Variants in LRIT3 observed in about 807,000 individuals in gnomAD.
LRIT3 encodes leucine-rich repeat, immunoglobulin-like domain and transmembrane domain-containing protein 3.
In LRIT3, 14 loss-of-function variants were observed where a neutral mutation model predicts 22.6. The observed-to-expected ratio is 0.62, with a 90% confidence interval of 0.41 to 0.97. The LOEUF (loss-of-function observed/expected upper bound fraction) is 0.97. Ranked by LOEUF, LRIT3 falls within the 50% of genes least tolerant of loss-of-function variation. The probability of loss-of-function intolerance (pLI) is 0.00; values close to 1 mark genes in which losing one functional copy is unlikely to be tolerated. For synonymous variants in LRIT3, 306 were observed against 304.5 expected (o/e 1.01, Z -0.05); for missense variants, 783 against 803.0 (o/e 0.98, Z 0.30).
At chr4:109,857,891 C>T (rs1184269149) in intron 2 of LRIT3, among the ~76,000 whole-genome samples, 1 of 152,170 alleles carries the variant, frequency 6.6e-6, no homozygotes, top group Non-Finnish European at 1.5e-5. Flanking sequence ...TGAATATAAT[C>T]AGCGATTCCT....
At chr4:109,862,323 T>G (rs1200244501) in intron 2 of LRIT3, among the ~76,000 whole-genome samples, 1 of 152,248 alleles carries the variant, frequency 6.6e-6, no homozygotes, top group Non-Finnish European at 1.5e-5. Flanking sequence ...TTGTAGTTGA[T>G]GTATTGCCTT....
intron 2 of LRIT3, among the ~76,000 whole-genome samples, chr4:109,856,447 A>G (rs1734404445): frequency 6.6e-6 from 1 of 152,182 alleles, no homozygotes; most frequent in Non-Finnish European, 1.5e-5. Context: ...CAAAGATTTT[A>G]CTCATTGAAT....
At chr4:109,861,338 G>GA (rs34877226) in intron 2 of LRIT3, among the ~76,000 whole-genome samples, 389 of 142,994 alleles carry the variant, frequency 2.7e-3, no homozygotes, top group Non-Finnish European at 4.0e-3. Flanking sequence ...ATCCTGGGTG[G>GA]AAAAAAAAAA....
At chr4:109,850,418 C>CCTTCCTTCTTTCTTT (rs1734202907) in intron 1 of LRIT3, among the ~76,000 whole-genome samples, 1 of 28,228 alleles carries the variant, frequency 3.5e-5, no homozygotes, top group Non-Finnish European at 6.5e-5. Context: ...TTCCTTCCTT[C>CCTTCCTTCTTTCTTT]CTTCCTTTCT....
intron 1 of LRIT3, among the ~76,000 whole-genome samples, chr4:109,851,110 C>T (rs765071511): frequency 6.2e-4 from 95 of 152,286 alleles, no homozygotes; most frequent in Middle Eastern, 3.4e-3. Context: ...GCTGGGTGAC[C>T]TTGGAAAGTT....
At chr4:109,859,780 G>A (rs369160228) in intron 2 of LRIT3, among the ~76,000 whole-genome samples, 17 of 152,272 alleles carry the variant, frequency 1.1e-4, no homozygotes, top group East Asian at 7.7e-4. Flanking sequence ...CCATTCATAG[G>A]CTCTCTGCAG....
chr4:109,864,974 C>T, intron 2 of LRIT3: 1 of 943,914 alleles, frequency 1.1e-6, no homozygotes, highest in Admixed American at 3.7e-5. Flanking sequence ...TCTTTAGCAC[C>T]TCAATCAATA....
intron 2 of LRIT3, among the ~76,000 whole-genome samples, chr4:109,854,906 TC>T (rs1181350715): frequency 5.3e-5 from 8 of 152,202 alleles, no homozygotes; most frequent in African/African-American, 1.9e-4. Flanking sequence ...AAGCGTTGCA[TC>T]CCAGGGATGA....
intron 2 of LRIT3, among the ~76,000 whole-genome samples, chr4:109,855,747 T>C (rs1734385926): frequency 6.6e-6 from 1 of 152,216 alleles, no homozygotes; most frequent in Non-Finnish European, 1.5e-5. Flanking sequence ...CTGTCTTTGT[T>C]CTCATTGGTT....
At position 109,870,194 on chromosome 4, in the gene LRIT3, A is replaced by C. The variant is rs75722024; in HGVS notation, c.1445A>C (p.Glu482Ala). The change falls in exon 4 of 4, where the codon GAG becomes GCG. Residue 482 changes from glutamate (E) to alanine (A), a missense_variant. This residue lies in a region of LRIT3 where 756 missense variants were observed against 753.8 expected (regional missense o/e 1.00). Coordinates refer to ENST00000594814, the MANE Select transcript of LRIT3 (RefSeq NM_198506.5). The part of the protein sequence containing the change: ...LALLDQTMLT[E>A]TNAAIENLRV... The stretch of plus-strand genomic sequence containing the variant: ...TTGTTGGATCAAACAATGCTTACGG[A>C]GACAAATGCCGCAATAGAAAACCTC... 5.5e-4 allele frequency: 884 copies of C among 1,614,242 alleles called. 8 individuals are homozygous for C. The East Asian group carries it at 0.014, about 25-fold the overall frequency.
rs907294955 is a variant in LRIT3 at position 109,866,322 on chromosome 4, G to A, written c.590-1319G>A. 9.9e-5 allele frequency among the ~76,000 whole-genome samples: 15 copies of A among 152,184 alleles called. 1 individual carries two copies. The South Asian group carries it at 1.2e-3, about 13-fold the overall frequency. Reference sequence around the variant, plus strand: ...CTTGGGCTTTATATGAGGCTGTTATGGAACATCACCCCTAAGATCCTAGAG... The same window carrying A: ...CTTGGGCTTTATATGAGGCTGTTATAGAACATCACCCCTAAGATCCTAGAG... On this transcript the variant is annotated intron_variant, in intron 2 of 3. Transcript: ENST00000594814.
chr4:109,865,316 C>T, intron 2 of LRIT3: 1 of 1,602,766 alleles, frequency 6.2e-7, no homozygotes, highest in Non-Finnish European at 8.5e-7. Flanking sequence ...ATTTCTCTTT[C>T]ATATATTTAA....
At chr4:109,850,433 T>G in intron 1 of LRIT3, among the ~76,000 whole-genome samples, 1 of 94,306 alleles carries the variant, frequency 1.1e-5, no homozygotes, top group African/African-American at 4.6e-5. Context: ...CTTTCTTTCT[T>G]TCTTTCTTTC....
intron 2 of LRIT3, among the ~76,000 whole-genome samples, chr4:109,864,187 G>A (rs1457331373): frequency 6.6e-6 from 1 of 152,028 alleles, no homozygotes; most frequent in Non-Finnish European, 1.5e-5. Context: ...CAATATAAAT[G>A]TTTTAGTATC....
rs2125901816 is a variant in LRIT3 at position 109,870,639 on chromosome 4, G to T, written c.1890G>T (p.Glu630Asp). 4.3e-6 allele frequency: 7 copies of T among 1,614,076 alleles called. No homozygotes were observed. Among genetic ancestry groups the T allele is most frequent in the Non-Finnish European group, 5.9e-6 (7 of 1,180,008 alleles). The change falls in exon 4 of 4, where the codon GAG (glutamate) becomes GAT (aspartate). Residue 630 changes from glutamate to aspartate, a missense_variant. Physicochemically the swap from Glu to Asp is conservative, Grantham distance 45. This residue lies in a region of LRIT3 where 756 missense variants were observed against 753.8 expected (regional missense o/e 1.00). Coordinates refer to ENST00000594814, the MANE Select transcript of LRIT3 (RefSeq NM_198506.5). ...DLAKETYIQF[E>D]TLFPRSQSVG... The stretch of plus-strand genomic sequence containing the variant: ...CAAAGGAGACTTATATCCAATTTGA[G>T]ACCCTGTTTCCCAGGTCTCAAAGTG...
chr4:109,870,946 G>T lies in LRIT3; in HGVS notation c.*157G>T. 1.6e-6 allele frequency: 1 copy of T among 638,232 alleles called. No individual in the cohort carries two copies. The highest frequency in any genetic ancestry group is 1.9e-5 in the African/African-American group (1 of 54,004). The allele number at this position is 638,232 out of a possible 1,614,324, so 39.5% of individuals were successfully genotyped here. ...GTTTAAAAAATACCATGAGACCTCTGAACTGAAAAGACAAATAATGTTGAT... is the reference window on the plus strand; with the variant it reads ...GTTTAAAAAATACCATGAGACCTCTTAACTGAAAAGACAAATAATGTTGAT... On this transcript the variant is annotated 3_prime_UTR_variant, in exon 4 of 4. Coordinates refer to ENST00000594814, the MANE Select transcript of LRIT3 (RefSeq NM_198506.5).
At chr4:109,865,385 T>TGGTATC in intron 2 of LRIT3, 1 of 1,268,198 alleles carries the variant, frequency 7.9e-7, no homozygotes, top group Non-Finnish European at 1.1e-6. Context: ...ATATCTAATG[T>TGGTATC]GGTATCTGGT....
At chr4:109,861,248 TAGTC>T (rs1182734903) in intron 2 of LRIT3, among the ~76,000 whole-genome samples, 1 of 151,708 alleles carries the variant, frequency 6.6e-6, no homozygotes, top group Non-Finnish European at 1.5e-5. Context: ...TGCATGCCTA[TAGTC>T]CCAGCTACTC....
chr4:109,856,960 AT>A (rs1452027471), intron 2 of LRIT3, among the ~76,000 whole-genome samples: 2 of 152,118 alleles, frequency 1.3e-5, no homozygotes, highest in African/African-American at 4.8e-5. Flanking sequence ...CCTTTTAAGA[AT>A]TTTCTTTAGA....
Sources: allele counts gnomAD v4.1 joint callset (sites outside exome capture counted in the v4.1 genomes callset), GRCh38; gene constraint gnomAD v4.1.1; regional missense constraint gnomAD v4.1.1; transcripts MANE v1.5; gene names NCBI Gene and HGNC (gene_info 2026-07-23, HGNC 2026-07-21).